GLRA2: variants seen among roughly 807,000 people sequenced by gnomAD.
GLRA2 encodes glycine receptor alpha 2, also known as glycine receptor subunit alpha-2.
Under a neutral mutation model 31.6 loss-of-function variants are expected in GLRA2, and 11 were observed. The observed-to-expected ratio is 0.35, with a 90% CI of 0.22 to 0.58. The LOEUF (loss-of-function observed/expected upper bound fraction) is 0.58. Ranked by LOEUF, GLRA2 falls within the 20% of genes least tolerant of loss-of-function variation. GLRA2 has a pLI of 0.84. For missense variants in GLRA2, 212 were observed against 351.8 expected (o/e 0.60, Z 3.18); for synonymous variants, 132 against 134.0 (o/e 0.99, Z 0.10).
At chrX:14,602,995 A>C (rs2090293075) in intron 4 of GLRA2, among the ~76,000 whole-genome samples, 1 of 110,613 alleles carries the variant, frequency 9.0e-6, no homozygotes. Context: ...TCTTTAAGGG[A>C]TCTCCACATT....
the GLRA2 span, among the ~76,000 whole-genome samples, chrX:14,503,681 G>A: frequency 9.0e-6 from 1 of 110,674 alleles, no homozygotes. Context: ...TCTCTGTTGG[G>A]GACTCATATG....
At chrX:14,511,018 A>G in the GLRA2 span, among the ~76,000 whole-genome samples, 312 of 110,915 alleles carry the variant, frequency 2.8e-3, no homozygotes, top group African/African-American at 9.4e-3. Context: ...ATGCTGGTGC[A>G]CTGCACCCAC....
At chrX:14,697,908 CT>C (rs755203940) in intron 8 of GLRA2, among the ~76,000 whole-genome samples, 4 of 111,643 alleles carry the variant, frequency 3.6e-5, no homozygotes, top group African/African-American at 1.3e-4. Context: ...TTTGATAAAA[CT>C]TTTTTTTACT....
At chrX:14,474,723 TGGCTGG>T in the GLRA2 span, among the ~76,000 whole-genome samples, 2 of 75,295 alleles carry the variant, frequency 2.7e-5, no homozygotes, top group African/African-American at 1.1e-4. Flanking sequence ...ATGGCTGGGA[TGGCTGG>T]GATGGCTGGG....
At chrX:14,637,161 C>T (rs954356376) in intron 7 of GLRA2, among the ~76,000 whole-genome samples, 1 of 112,381 alleles carries the variant, frequency 8.9e-6, no homozygotes, top group Non-Finnish European at 1.9e-5. Flanking sequence ...GAGTTCACTT[C>T]TGATTCCTAT....
the GLRA2 span, among the ~76,000 whole-genome samples, chrX:14,477,512 T>C: frequency 9.0e-6 from 1 of 111,259 alleles, no homozygotes; most frequent in Non-Finnish European, 1.9e-5. Context: ...CTAACCACTC[T>C]CCCCAGCAGA....
At chrX:14,461,750 G>A in the GLRA2 span, among the ~76,000 whole-genome samples, 2 of 111,923 alleles carry the variant, frequency 1.8e-5, no homozygotes, top group South Asian at 3.7e-4. Context: ...GTCCTTGCAC[G>A]TGAGATGGAT....
chrX:14,513,421 A>T, the GLRA2 span, among the ~76,000 whole-genome samples: 1 of 112,176 alleles, frequency 8.9e-6, no homozygotes, highest in Non-Finnish European at 1.9e-5. Context: ...AATAGATGGG[A>T]CTTAATTAAA....
At chrX:14,505,607 T>C in the GLRA2 span, among the ~76,000 whole-genome samples, 4 of 112,133 alleles carry the variant, frequency 3.6e-5, no homozygotes, top group African/African-American at 1.3e-4. Context: ...GACATTCTTC[T>C]GAATGTCCTT....
At chrX:14,720,670 TCTG>T (rs1208674601) in intron 8 of GLRA2, among the ~76,000 whole-genome samples, 2 of 112,020 alleles carry the variant, frequency 1.8e-5, no homozygotes, top group East Asian at 5.6e-4. Context: ...GGACTCTTAT[TCTG>T]CTATTTGAAA....
the GLRA2 span, among the ~76,000 whole-genome samples, chrX:14,477,142 C>A: frequency 2.7e-5 from 3 of 111,542 alleles, no homozygotes; most frequent in African/African-American, 9.8e-5. Flanking sequence ...CTTATATAAT[C>A]ATTTATTTTC....
chrX:14,578,309 G>A lies in GLRA2; in HGVS notation c.271-2874G>A, dbSNP rs145016557. 8.2e-3 allele frequency among the ~76,000 whole-genome samples: 923 copies of A among 112,154 alleles called. 4 individuals are homozygous for A. Among genetic ancestry groups the A allele is most frequent in the Non-Finnish European group, 0.014 (723 of 53,221 alleles). On this transcript the variant is annotated intron_variant, in intron 3 of 8. Coordinates refer to ENST00000218075, the MANE Select transcript of GLRA2 (RefSeq NM_002063.4). ...CACTAATTTATTGTAGGTGTTGCCT[G>A]CCCACAAAGTAGAGGCCTGCTTACA...
chrX:14,563,542 A>G (rs911385774), intron 2 of GLRA2, among the ~76,000 whole-genome samples: 4 of 112,188 alleles, frequency 3.6e-5, no homozygotes, highest in Non-Finnish European at 7.5e-5. Flanking sequence ...ACAGTTTTCA[A>G]CAAAAATCAC....
At chrX:14,523,767 C>T in the GLRA2 span, among the ~76,000 whole-genome samples, 30 of 111,475 alleles carry the variant, frequency 2.7e-4, no homozygotes, top group Non-Finnish European at 1.5e-4. Context: ...AGTTTGCCAT[C>T]CTATACGGGT....
At chrX:14,608,970 A>C (rs1264070486) in intron 6 of GLRA2, 21 bp from the exon 7 acceptor site, 1 of 769,522 alleles carries the variant, frequency 1.3e-6, no homozygotes, top group Non-Finnish European at 2.0e-6. Flanking sequence ...TGGACTTTAA[A>C]TGATCATTTC....
chrX:14,617,621 A>G (rs1164815101), intron 7 of GLRA2, among the ~76,000 whole-genome samples: 1 of 111,366 alleles, frequency 9.0e-6, no homozygotes, highest in Non-Finnish European at 1.9e-5. Context: ...GACCACTACT[A>G]TGTGACTAAG....
chrX:14,613,533 C>T (rs928281158), intron 7 of GLRA2, among the ~76,000 whole-genome samples: 2 of 111,484 alleles, frequency 1.8e-5, no homozygotes, highest in Non-Finnish European at 3.8e-5. Context: ...ACAATATTTG[C>T]ATTGTATTGG....
the GLRA2 span, among the ~76,000 whole-genome samples, chrX:14,509,183 C>T: frequency 8.9e-6 from 1 of 111,970 alleles, no homozygotes; most frequent in Non-Finnish European, 1.9e-5. Context: ...TAAGCTAGCC[C>T]TTAGGGATAC....
intron 7 of GLRA2, among the ~76,000 whole-genome samples, chrX:14,625,502 T>C (rs778509627): frequency 2.7e-5 from 3 of 111,679 alleles, no homozygotes; most frequent in Non-Finnish European, 5.7e-5. Flanking sequence ...TTCCTTTCCA[T>C]GTTTAGTGCT....
Sources: gnomAD v4.1 joint callset for allele counts (sites outside exome capture counted in the v4.1 genomes callset) on GRCh38, gnomAD v4.1.1 for gene constraint, MANE v1.5 for transcripts, NCBI Gene and HGNC (gene_info 2026-07-23, HGNC 2026-07-21) for gene names.